EPHX2: variants seen among roughly 807,000 people sequenced by gnomAD.
EPHX2 encodes the protein bifunctional epoxide hydrolase 2.
EPHX2 carries 74 observed loss-of-function variants against 78.7 expected under a neutral mutation model. That is an observed-to-expected ratio of 0.94 (90% confidence interval 0.78 to 1.14). The LOEUF (loss-of-function observed/expected upper bound fraction) is 1.14, where lower values mean the gene tolerates loss of function less well. Among genes scored for constraint, EPHX2 ranks in the 50% most tolerant of loss-of-function variants. The probability of loss-of-function intolerance (pLI) is 0.00; values close to 1 mark genes in which losing one functional copy is unlikely to be tolerated. For missense variants in EPHX2, 715 were observed against 702.5 expected, an observed-to-expected ratio of 1.02 and a Z score of -0.20; for synonymous variants, 251 against 255.2, an observed-to-expected ratio of 0.98 and a Z score of 0.16.
intron 1 of EPHX2, among the ~76,000 whole-genome samples, chr8:27,500,250 C>G (rs1271449226): frequency 1.3e-5 from 2 of 151,954 alleles, no homozygotes; most frequent in Admixed American, 1.3e-4. Context: ...TAGCACTTAC[C>G]TCTTCTCTCT....
chr8:27,548,109 G>A (rs1815604195), downstream of EPHX2, among the ~76,000 whole-genome samples: 1 of 152,190 alleles, frequency 6.6e-6, no homozygotes, highest in Non-Finnish European at 1.5e-5. Context: ...GGACCACTTA[G>A]TGGCTGTCAA....
At position 27,543,736 on chromosome 8, in the gene EPHX2, G is replaced by C. The variant is rs756367189; in HGVS notation, c.1450-13G>C. 1.2e-6 allele frequency: 2 copies of C among 1,613,696 alleles called. No homozygotes were observed. The highest frequency in any genetic ancestry group is 1.7e-6 in the Non-Finnish European group (2 of 1,179,856). On this transcript the variant is annotated splice_polypyrimidine_tract_variant and intron_variant, in intron 16 of 18. Transcript: ENST00000521400. Reference sequence around the variant, plus strand: ...GGAGTGCTGGCCACTTCTGTTTCCTGTTCTCCCCCCAGATCCTGATTCCGG... The same window carrying C: ...GGAGTGCTGGCCACTTCTGTTTCCTCTTCTCCCCCCAGATCCTGATTCCGG...
intron 12 of EPHX2, among the ~76,000 whole-genome samples, chr8:27,525,974 C>CA (rs1274664868): frequency 6.6e-6 from 1 of 152,238 alleles, no homozygotes; most frequent in African/African-American, 2.4e-5. Context: ...AACTGGAATT[C>CA]ACTGAGAGCA....
chr8:27,543,011 C>T (rs1012238347), intron 16 of EPHX2, among the ~76,000 whole-genome samples: 8 of 136,300 alleles, frequency 5.9e-5, no homozygotes, highest in South Asian at 3.0e-4. Context: ...TCCTCTCCCC[C>T]CCCCGCCCCC....
At chr8:27,494,316 T>C (rs1353339671) in intron 1 of EPHX2, among the ~76,000 whole-genome samples, 2 of 152,198 alleles carry the variant, frequency 1.3e-5, no homozygotes, top group Non-Finnish European at 2.9e-5. Context: ...TGTATGGGCT[T>C]TTCCTGAGGA....
At chr8:27,521,208 C>G (rs1263642040) in intron 10 of EPHX2, among the ~76,000 whole-genome samples, 1 of 152,188 alleles carries the variant, frequency 6.6e-6, no homozygotes, top group South Asian at 2.1e-4. Context: ...GGAAAATACC[C>G]CATAGGCTAA....
At chr8:27,529,479 C>A (rs562443932) in intron 12 of EPHX2, among the ~76,000 whole-genome samples, 1 of 152,286 alleles carries the variant, frequency 6.6e-6, no homozygotes, top group African/African-American at 2.4e-5. Flanking sequence ...TCCTGTGAAC[C>A]CTGCTCTCTC....
intron 9 of EPHX2, among the ~76,000 whole-genome samples, chr8:27,519,072 C>T (rs1277624558): frequency 6.6e-6 from 1 of 152,218 alleles, no homozygotes; most frequent in Non-Finnish European, 1.5e-5. Flanking sequence ...CTCCCATCCT[C>T]CTGTTCCACC....
chr8:27,512,881 G>T (rs1040945240), intron 6 of EPHX2, among the ~76,000 whole-genome samples: 6 of 152,186 alleles, frequency 3.9e-5, no homozygotes, highest in Non-Finnish European at 7.3e-5. Context: ...AGAATTAAAT[G>T]AAATGTTGTA....
intron 12 of EPHX2, among the ~76,000 whole-genome samples, chr8:27,531,442 T>A (rs999186793): frequency 1.3e-5 from 2 of 152,214 alleles, no homozygotes; most frequent in African/African-American, 4.8e-5. Flanking sequence ...TCTGCCCAGA[T>A]TTCGGATGCT....
At chr8:27,522,962 CA>C (rs539360462) in intron 11 of EPHX2, among the ~76,000 whole-genome samples, 4,829 of 62,686 alleles carry the variant, frequency 0.077, 43 homozygotes, top group African/African-American at 0.13. Flanking sequence ...ACTCCGTTTC[CA>C]AAAAAAAAAA....
chr8:27,541,290 C>G (rs1815391556), intron 15 of EPHX2, among the ~76,000 whole-genome samples, 183 bp from the exon 16 acceptor site: 2 of 152,248 alleles, frequency 1.3e-5, no homozygotes, highest in Non-Finnish European at 2.9e-5. Context: ...CAAGGCCTTG[C>G]TGCTAGAGCT....
intron 16 of EPHX2, 37 bp from the exon 17 acceptor site, chr8:27,543,712 G>A: frequency 6.2e-7 from 1 of 1,609,622 alleles, no homozygotes; most frequent in Non-Finnish European, 8.5e-7. Context: ...TTCCTTTGTG[G>A]AGTGCTGGCC....
chr8:27,543,756 T>G lies in EPHX2; in HGVS notation c.1457T>G (p.Ile486Ser). Residue 486 changes from isoleucine (I) to serine (S), a missense_variant, in exon 17 of 19, where the codon ATT (isoleucine) becomes AGT (serine). Transcript: ENST00000521400. ...ACKSLGRKIL[I>S]PALMVTAEKD... ...TTCCTGTTCTCCCCCCAGATCCTGA[T>G]TCCGGCCCTGATGGTCACGGCGGAG... 6.2e-7 allele frequency: 1 copy of G among 1,614,064 alleles called. No homozygotes were observed. Among genetic ancestry groups the G allele is most frequent in the South Asian group, 1.1e-5 (1 of 91,068 alleles).
chr8:27,531,202 A>AAT (rs1815028739), intron 12 of EPHX2, among the ~76,000 whole-genome samples: 1 of 152,188 alleles, frequency 6.6e-6, no homozygotes, highest in African/African-American at 2.4e-5. Flanking sequence ...TCTCATTTAT[A>AAT]ATCTGCCTGA....
At chr8:27,512,381 G>A (rs898798449) in intron 6 of EPHX2, among the ~76,000 whole-genome samples, 2 of 152,208 alleles carry the variant, frequency 1.3e-5, no homozygotes, top group Admixed American at 6.5e-5. Flanking sequence ...GGCATTTATC[G>A]AACACTTCCT....
At chr8:27,538,927 T>C (rs1815301117) in intron 14 of EPHX2, 1 of 560,704 alleles carries the variant, frequency 1.8e-6, no homozygotes. Flanking sequence ...CAGTAAGAGC[T>C]TGGAGGAGTC....
intron 8 of EPHX2, among the ~76,000 whole-genome samples, chr8:27,516,665 A>T (rs566644723): frequency 2.6e-5 from 4 of 152,236 alleles, no homozygotes; most frequent in Non-Finnish European, 5.9e-5. Flanking sequence ...GATGGCGGAC[A>T]TAGAATGTAC....
At chr8:27,535,772 G>A (rs1232987661) in intron 12 of EPHX2, among the ~76,000 whole-genome samples, 1 of 152,114 alleles carries the variant, frequency 6.6e-6, no homozygotes, top group African/African-American at 2.4e-5. Flanking sequence ...GAGAGGGGAA[G>A]CAGGAGAGGA....
Sources: allele counts gnomAD v4.1 joint callset (sites outside exome capture counted in the v4.1 genomes callset), GRCh38; gene constraint gnomAD v4.1.1; transcripts MANE v1.5; gene names NCBI Gene and HGNC (gene_info 2026-07-23, HGNC 2026-07-21).